PDZRN4: variants seen among roughly 807,000 people sequenced by gnomAD.
PDZRN4 encodes the protein PDZ domain containing ring finger 4.
In PDZRN4, 70 loss-of-function variants were observed where a neutral mutation model predicts 99.0. The observed-to-expected ratio is 0.71, with a 90% CI of 0.58 to 0.86. The LOEUF is 0.86. PDZRN4 is among the 40% of genes least tolerant of loss of function. The pLI is 0.00. For synonymous variants in PDZRN4, 551 were observed against 501.6 expected (o/e 1.10, Z -1.32); for missense variants, 1,474 against 1,331.2 (o/e 1.11, Z -1.67).
At chr12:41,477,491 G>A (rs1055763486) in intron 3 of PDZRN4, among the ~76,000 whole-genome samples, 1 of 152,200 alleles carries the variant, frequency 6.6e-6, no homozygotes, top group Non-Finnish European at 1.5e-5. Context: ...AAGGACAGCC[G>A]AAAAGGATGG....
At chr12:41,347,465 A>T (rs952060045) in intron 3 of PDZRN4, among the ~76,000 whole-genome samples, 31 of 152,112 alleles carry the variant, frequency 2.0e-4, no homozygotes, top group African/African-American at 7.0e-4. Flanking sequence ...GTCTACTCAA[A>T]TCCTTAGCCT....
At chr12:41,206,959 G>A (rs1203815341) in intron 3 of PDZRN4, among the ~76,000 whole-genome samples, 1 of 151,794 alleles carries the variant, frequency 6.6e-6, no homozygotes, top group Non-Finnish European at 1.5e-5. Flanking sequence ...GCAATTCTTT[G>A]TTATAGTGTC....
At chr12:41,295,479 G>A (rs1951486317) in intron 3 of PDZRN4, among the ~76,000 whole-genome samples, 1 of 151,932 alleles carries the variant, frequency 6.6e-6, no homozygotes, top group Non-Finnish European at 1.5e-5. Flanking sequence ...AATTAGGAAA[G>A]TCAGAAAAAG....
At chr12:41,242,464 C>T (rs1052211081) in intron 3 of PDZRN4, among the ~76,000 whole-genome samples, 1 of 152,056 alleles carries the variant, frequency 6.6e-6, no homozygotes, top group African/African-American at 2.4e-5. Flanking sequence ...TTAATAATAC[C>T]TCGCTGGTTA....
At chr12:41,197,999 C>G (rs1317221063) in intron 3 of PDZRN4, among the ~76,000 whole-genome samples, 1 of 145,266 alleles carries the variant, frequency 6.9e-6, no homozygotes, top group Non-Finnish European at 1.5e-5. Context: ...ACTGCAGCCT[C>G]TACCTCTGGG....
In PDZRN4 at chr12:41,506,469, A is replaced by T. The variant is rs553446584; in HGVS notation, c.857A>T (p.Asp286Val). The part of the protein sequence containing the change: ...HDKIMEVNGK[D>V]LSKATHEEAV... ...ATATGTTTGTAGGTCAATGGGAAGGATCTTTCAAAGGCCACTCATGAAGAG... is the reference window on the plus strand; with the variant it reads ...ATATGTTTGTAGGTCAATGGGAAGGTTCTTTCAAAGGCCACTCATGAAGAG... The change falls in exon 4 of 10, where the codon GAT (aspartate) becomes GTT (valine). Residue 286 changes from aspartate (D) to valine (V), a missense_variant. Physicochemically the swap from Asp to Val is radical, Grantham distance 152. Transcript: ENST00000402685. The T allele has an allele frequency of 6.2e-7, 1 of 1,612,118 alleles. No homozygotes were observed. Among genetic ancestry groups the T allele is most frequent in the Non-Finnish European group, 8.5e-7 (1 of 1,179,066 alleles).
chr12:41,506,460 A>G lies in PDZRN4; in HGVS notation c.848A>G (p.Asn283Ser), dbSNP rs202059222. Residue 283 changes from asparagine (N) to serine (S), a missense_variant, in exon 4 of 10, where the codon AAT (asparagine) becomes AGT (serine). Asn to Ser is a conservative substitution (Grantham distance 46). Transcript: ENST00000402685. ...LEIHDKIMEV[N>S]GKDLSKATHE... The stretch of plus-strand genomic sequence containing the variant: ...AATGTCCTTATATGTTTGTAGGTCA[A>G]TGGGAAGGATCTTTCAAAGGCCACT... The G allele has an allele frequency of 1.0e-4, 161 of 1,610,360 alleles. No homozygotes were observed. The highest frequency in any genetic ancestry group is 1.7e-4 in the Middle Eastern group (1 of 6,024).
chr12:41,530,132 C>T (rs1465885570), intron 5 of PDZRN4, among the ~76,000 whole-genome samples: 1 of 152,188 alleles, frequency 6.6e-6, no homozygotes, highest in Non-Finnish European at 1.5e-5. Flanking sequence ...GTGATAAATA[C>T]TATGCTACAA....
At chr12:41,191,845 C>T (rs538398311) in intron 2 of PDZRN4, among the ~76,000 whole-genome samples, 58 of 151,912 alleles carry the variant, frequency 3.8e-4, no homozygotes, top group African/African-American at 1.2e-3. Context: ...TGCAGTGGCA[C>T]GATCTCAGCT....
intron 3 of PDZRN4, among the ~76,000 whole-genome samples, chr12:41,301,224 A>G (rs970039838): frequency 2.0e-5 from 3 of 152,054 alleles, no homozygotes; most frequent in African/African-American, 7.2e-5. Flanking sequence ...GGAAACACAG[A>G]CAGACATCAT....
At chr12:41,540,064 A>T (rs1592103273) in intron 5 of PDZRN4, among the ~76,000 whole-genome samples, 1 of 152,220 alleles carries the variant, frequency 6.6e-6, no homozygotes, top group Admixed American at 6.5e-5. Context: ...AAAATCTAGA[A>T]TTTGTGCTAT....
chr12:41,427,755 G>A (rs1952549393), intron 3 of PDZRN4, among the ~76,000 whole-genome samples: 1 of 152,110 alleles, frequency 6.6e-6, no homozygotes, highest in Admixed American at 6.5e-5. Context: ...AAAATGCAAG[G>A]AACACAACAG....
At chr12:41,191,235 T>C (rs1950733389) in intron 1 of PDZRN4, among the ~76,000 whole-genome samples, 1 of 152,174 alleles carries the variant, frequency 6.6e-6, no homozygotes, top group South Asian at 2.1e-4. Context: ...TTTTTGAAAA[T>C]AGGGCTTTTT....
At chr12:41,228,203 G>T (rs925777400) in intron 3 of PDZRN4, among the ~76,000 whole-genome samples, 1 of 152,136 alleles carries the variant, frequency 6.6e-6, no homozygotes, top group African/African-American at 2.4e-5. Flanking sequence ...GCCCAGTGAA[G>T]ATGTTTTCAA....
chr12:41,514,550 G>C (rs567470527), intron 5 of PDZRN4, among the ~76,000 whole-genome samples: 1 of 152,018 alleles, frequency 6.6e-6, no homozygotes, highest in Non-Finnish European at 1.5e-5. Flanking sequence ...GAGCTATATG[G>C]ATCTTAAGGC....
At chr12:41,346,185 G>A (rs1181464585) in intron 3 of PDZRN4, among the ~76,000 whole-genome samples, 1 of 152,154 alleles carries the variant, frequency 6.6e-6, no homozygotes, top group Admixed American at 6.5e-5. Flanking sequence ...AAATTGGGCC[G>A]GGCACGGTGG....
At chr12:41,529,214 C>A (rs1938620179) in intron 5 of PDZRN4, among the ~76,000 whole-genome samples, 1 of 131,832 alleles carries the variant, frequency 7.6e-6, no homozygotes, top group African/African-American at 3.4e-5. Flanking sequence ...CATGCATGTG[C>A]ACGTGTGTGT....
intron 3 of PDZRN4, among the ~76,000 whole-genome samples, chr12:41,406,094 A>T (rs1005266994): frequency 6.6e-6 from 1 of 152,170 alleles, no homozygotes; most frequent in African/African-American, 2.4e-5. Flanking sequence ...AAAACTAAAA[A>T]AAACCAAAAT....
chr12:41,456,195 T>C (rs1793761702), intron 3 of PDZRN4, among the ~76,000 whole-genome samples: 2 of 152,198 alleles, frequency 1.3e-5, no homozygotes, highest in African/African-American at 4.8e-5. Flanking sequence ...CAGGACAAAG[T>C]CCAGTTATCC....
Sources: gnomAD v4.1 joint callset for allele counts (sites outside exome capture counted in the v4.1 genomes callset) on GRCh38, gnomAD v4.1.1 for gene constraint, MANE v1.5 for transcripts, NCBI Gene and HGNC (gene_info 2026-07-23, HGNC 2026-07-21) for gene names.